The following HEPHL1 variants were observed in gnomAD, a reference collection of about 807,000 sequenced individuals.
The protein encoded by HEPHL1 is hephaestin like 1.
In HEPHL1, 123 loss-of-function variants were observed where a neutral mutation model predicts 122.0. That is an observed-to-expected ratio of 1.01 (90% CI 0.87 to 1.17). HEPHL1 has a LOEUF of 1.17. HEPHL1 is among the 50% of genes most tolerant of loss of function. The probability of loss-of-function intolerance (pLI) is 0.00; values close to 1 mark genes in which losing one functional copy is unlikely to be tolerated. For missense variants in HEPHL1, 1,452 were observed against 1,430.5 expected, an observed-to-expected ratio of 1.01 and a Z score of -0.24; for synonymous variants, 527 against 508.9, an observed-to-expected ratio of 1.04 and a Z score of -0.48.
intron 12 of HEPHL1, among the ~76,000 whole-genome samples, chr11:94,092,276 A>G (rs1946268069): frequency 6.6e-6 from 1 of 152,242 alleles, no homozygotes; most frequent in African/African-American, 2.4e-5. Context: ...TGTACTATAC[A>G]TGTAAGGTAC....
At chr11:94,023,241 C>T (rs1000427074) in intron 1 of HEPHL1, among the ~76,000 whole-genome samples, 4 of 152,258 alleles carry the variant, frequency 2.6e-5, no homozygotes, top group African/African-American at 9.6e-5. Context: ...TGATCCTTCT[C>T]CAGTGAATTA....
chr11:94,088,765 G>A lies in HEPHL1; in HGVS notation c.2091G>A (p.Arg697=), dbSNP rs368087111. The stretch of plus-strand genomic sequence containing the variant: ...CCATTTCTCTTGCAGGTATTTTTAG[G>A]GTGTTTTGTGCCACCATGCCCCACC... ...FMQPDHAGIF[R]VFCATMPHLS... is the part of the protein sequence containing the mutation. Residue 697 remains arginine, a synonymous_variant, in exon 12 of 20, where the codon AGG becomes AGA. Coordinates refer to ENST00000315765, the MANE Select transcript of HEPHL1 (RefSeq NM_001098672.2). The A allele has an allele frequency of 3.2e-5, 52 of 1,613,128 alleles. No individual in the cohort carries two copies. The highest frequency in any genetic ancestry group is 4.1e-5 in the Non-Finnish European group (48 of 1,179,426).
intron 1 of HEPHL1, among the ~76,000 whole-genome samples, chr11:94,036,027 C>T (rs1293806441): frequency 1.3e-5 from 2 of 152,216 alleles, no homozygotes; most frequent in Non-Finnish European, 2.9e-5. Context: ...TGAGCCAACG[C>T]GCCCAGCCTG....
At position 94,075,273 on chromosome 11, in the gene HEPHL1, G is replaced by GT. The variant is rs1362676585; in HGVS notation, c.1605dup (p.Leu536SerfsTer10). 6.2e-7 allele frequency: 1 copy of GT among 1,613,394 alleles called. No individual in the cohort carries two copies. Among genetic ancestry groups the GT allele is most frequent in the East Asian group, 2.2e-5 (1 of 44,884 alleles). On this transcript the variant is annotated frameshift_variant, in exon 9 of 20. Coordinates refer to ENST00000315765, the MANE Select transcript of HEPHL1 (RefSeq NM_001098672.2). LOFTEE classifies it high-confidence loss of function. ...AGCCCAACTGCTGGTGATCCTCCCT[G>GT]TCTGACCTATCTTTACTTCTCAGCA...
At chr11:94,062,232 G>C (rs770322341) in intron 2 of HEPHL1, among the ~76,000 whole-genome samples, 4 of 152,140 alleles carry the variant, frequency 2.6e-5, no homozygotes, top group African/African-American at 4.8e-5. Context: ...AACATGCTAG[G>C]AGTGTTACCT....
At chr11:94,030,805 G>C (rs1250707141) in intron 1 of HEPHL1, among the ~76,000 whole-genome samples, 1 of 152,150 alleles carries the variant, frequency 6.6e-6, no homozygotes, top group Non-Finnish European at 1.5e-5. Context: ...TTATAGAGTG[G>C]GAGAGGGCTA....
intron 2 of HEPHL1, among the ~76,000 whole-genome samples, chr11:94,056,460 C>A (rs1206146362): frequency 1.3e-5 from 2 of 152,084 alleles, no homozygotes; most frequent in Non-Finnish European, 2.9e-5. Context: ...TTGTGTTAAA[C>A]AAATATTTCT....
chr11:94,055,846 T>C (rs1945932130), intron 2 of HEPHL1: 1 of 542,604 alleles, frequency 1.8e-6, no homozygotes, highest in African/African-American at 1.9e-5. Context: ...CTGTACTCCA[T>C]GGAATCTGCC....
chr11:94,064,247 C>T, intron 3 of HEPHL1, 84 bp from the exon 4 acceptor site: 1 of 1,056,338 alleles, frequency 9.5e-7, no homozygotes, highest in East Asian at 2.4e-5. Flanking sequence ...CACCAAACTT[C>T]ACACTTGCCT....
chr11:94,111,325 G>A (rs1010780560), intron 18 of HEPHL1, among the ~76,000 whole-genome samples: 6 of 152,288 alleles, frequency 3.9e-5, no homozygotes, highest in African/African-American at 1.4e-4. Flanking sequence ...AGGCCATGAT[G>A]CTCCAGATAG....
chr11:94,046,377 C>T (rs765825612), intron 2 of HEPHL1, among the ~76,000 whole-genome samples: 25 of 151,346 alleles, frequency 1.7e-4, no homozygotes, highest in Non-Finnish European at 2.8e-4. Flanking sequence ...GGATTACAGG[C>T]GTGAGCCACC....
At chr11:94,089,874 A>G (rs1946251446) in intron 12 of HEPHL1, among the ~76,000 whole-genome samples, 1 of 152,080 alleles carries the variant, frequency 6.6e-6, no homozygotes, top group Admixed American at 6.6e-5. Context: ...TCTCCGGCAC[A>G]CTACATTGTC....
chr11:94,063,865 C>A, intron 3 of HEPHL1, 145 bp downstream of exon 3: 1 of 658,540 alleles, frequency 1.5e-6, no homozygotes, highest in Non-Finnish European at 2.7e-6. Context: ...AATCTGACAC[C>A]ATAGCAGAGG....
chr11:94,041,200 G>T (rs1945774659), intron 1 of HEPHL1, among the ~76,000 whole-genome samples: 1 of 150,474 alleles, frequency 6.6e-6, no homozygotes, highest in Admixed American at 6.6e-5. Flanking sequence ...AGAACTACAA[G>T]CCACTGCTCA....
rs761069200 is a variant in HEPHL1, at chr11:94,075,260, G to A, written c.1591G>A (p.Gly531Ser). Reference sequence around the variant, plus strand: ...GCCTGAGAGCGTAAGCCCAACTGCTGGTGATCCTCCCTGTCTGACCTATCT... The same window carrying A: ...GCCTGAGAGCGTAAGCCCAACTGCTAGTGATCCTCCCTGTCTGACCTATCT... The part of the protein sequence containing the change: ...TVPESVSPTA[G>S]DPPCLTYLYF... Residue 531 changes from glycine (G) to serine (S), a missense_variant, in exon 9 of 20, where the codon GGT (glycine) becomes AGT (serine). By Grantham distance (56) the Gly-to-Ser change is moderately conservative. Transcript: ENST00000315765. 4 of 1,613,510 alleles carry A rather than the reference G, an allele frequency of 2.5e-6. 1 individual carries two copies. The highest frequency in any genetic ancestry group is 2.2e-5 in the South Asian group (2 of 91,080).
chr11:94,042,597 C>T (rs1010182261), intron 1 of HEPHL1, among the ~76,000 whole-genome samples: 5 of 151,194 alleles, frequency 3.3e-5, no homozygotes, highest in Non-Finnish European at 7.4e-5. Flanking sequence ...AAATTGGAAA[C>T]CATCATTCTC....
At chr11:94,046,091 C>CTTTTTCTTTTTTT (rs1945834325) in intron 2 of HEPHL1, among the ~76,000 whole-genome samples, 174 bp downstream of exon 2, 1 of 65,048 alleles carries the variant, frequency 1.5e-5, no homozygotes, top group Non-Finnish European at 2.6e-5. Flanking sequence ...CCCTTTCTTG[C>CTTTTTCTTTTTTT]TTTTTTTTTT....
intron 8 of HEPHL1, 50 bp downstream of exon 8, chr11:94,073,489 A>G (rs1474202632): frequency 1.3e-6 from 2 of 1,527,918 alleles, no homozygotes; most frequent in Middle Eastern, 1.7e-4. Context: ...TGAGCAAAGC[A>G]CTTAGAAATA....
intron 13 of HEPHL1, among the ~76,000 whole-genome samples, chr11:94,096,428 T>A (rs1946314504): frequency 6.6e-6 from 1 of 152,214 alleles, no homozygotes; most frequent in African/African-American, 2.4e-5. Flanking sequence ...TTGCCAGTAT[T>A]TTATTGAGGA....
Sources: gnomAD v4.1 joint callset for allele counts (sites outside exome capture counted in the v4.1 genomes callset) on GRCh38, gnomAD v4.1.1 for gene constraint, MANE v1.5 for transcripts, NCBI Gene and HGNC (gene_info 2026-07-23, HGNC 2026-07-21) for gene names.